ZNF536: variants seen among roughly 807,000 people sequenced by gnomAD.
The protein encoded by ZNF536 is zinc finger protein 536.
ZNF536 carries 13 observed loss-of-function variants against 84.5 expected under a neutral mutation model. That is an observed-to-expected ratio of 0.15 (90% CI 0.10 to 0.24). The LOEUF is 0.24. Ranked by LOEUF, ZNF536 falls within the 10% of genes least tolerant of loss-of-function variation. The probability of loss-of-function intolerance (pLI) is 1.00; values close to 1 mark genes in which losing one functional copy is unlikely to be tolerated. For synonymous variants in ZNF536, 811 were observed against 742.5 expected (o/e 1.09, Z -1.50); for missense variants, 1,536 against 1,747.5 (o/e 0.88, Z 2.16).
At chr19:30,571,501 C>T (rs1000540982) in intron 1 of ZNF536, among the ~76,000 whole-genome samples, 1 of 152,200 alleles carries the variant, frequency 6.6e-6, no homozygotes, top group Non-Finnish European at 1.5e-5. Flanking sequence ...AAAAGGCAAC[C>T]TGGGAAGCTT....
chr19:30,447,742 G>T (rs958589721), intron 2 of ZNF536, among the ~76,000 whole-genome samples: 2 of 152,342 alleles, frequency 1.3e-5, no homozygotes, highest in East Asian at 3.9e-4. Flanking sequence ...TCTGGCATGT[G>T]TCGTTTCTGA....
intron 2 of ZNF536, among the ~76,000 whole-genome samples, chr19:30,303,394 G>A (rs2046248660): frequency 6.6e-6 from 1 of 152,210 alleles, no homozygotes; most frequent in Admixed American, 6.5e-5. Flanking sequence ...AGGGGCCTTG[G>A]CGCTGCCTCC....
At chr19:30,386,710 G>T (rs2049357148) in intron 1 of ZNF536, among the ~76,000 whole-genome samples, 1 of 152,214 alleles carries the variant, frequency 6.6e-6, no homozygotes, top group Non-Finnish European at 1.5e-5. Flanking sequence ...TGGGTCTTTG[G>T]TCTACATTTG....
intron 1 of ZNF536, among the ~76,000 whole-genome samples, chr19:30,373,961 G>A (rs1162521948): frequency 1.3e-5 from 2 of 152,150 alleles, no homozygotes; most frequent in African/African-American, 4.8e-5. Context: ...CCTGTTTTCC[G>A]GGCCTGCAGT....
At chr19:30,334,899 A>G (rs2047331690) in intron 2 of ZNF536, among the ~76,000 whole-genome samples, 1 of 152,176 alleles carries the variant, frequency 6.6e-6, no homozygotes. Context: ...CGCAGTTCAC[A>G]AGGGGGTCTG....
chr19:30,287,608 G>T, intron 2 of ZNF536, among the ~76,000 whole-genome samples: 1 of 127,452 alleles, frequency 7.8e-6, no homozygotes, highest in African/African-American at 3.4e-5. Context: ...ATGGATGGGT[G>T]GATGGATGGG....
At chr19:30,321,087 T>G (rs1246757360) in intron 2 of ZNF536, among the ~76,000 whole-genome samples, 1 of 152,096 alleles carries the variant, frequency 6.6e-6, no homozygotes, top group East Asian at 1.9e-4. Context: ...CAGGGTCAGG[T>G]GTGGTTTCAG....
chr19:30,684,822 G>T (rs915452445), intron 1 of ZNF536, among the ~76,000 whole-genome samples: 1 of 152,178 alleles, frequency 6.6e-6, no homozygotes, highest in Non-Finnish European at 1.5e-5. Context: ...CAGCGGTCGG[G>T]ACCTGATCCC....
At chr19:30,386,744 C>T (rs2049357982) in intron 1 of ZNF536, among the ~76,000 whole-genome samples, 1 of 152,226 alleles carries the variant, frequency 6.6e-6, no homozygotes, top group Non-Finnish European at 1.5e-5. Flanking sequence ...CTGTAGGTCC[C>T]TAGGGCAGGG....
At chr19:30,701,395 CCAAA>C (rs998721598) in intron 1 of ZNF536, among the ~76,000 whole-genome samples, 8 of 128,800 alleles carry the variant, frequency 6.2e-5, no homozygotes, top group African/African-American at 2.4e-4. Context: ...ACAGACACAC[CCAAA>C]CACACACAGA....
Position 30,706,994 on chromosome 19 carries a change from A to G in ZNF536, c.170-3763A>G, listed in dbSNP as rs537282785. 3.9e-5 allele frequency among the ~76,000 whole-genome samples: 6 copies of G among 152,306 alleles called. No individual in the cohort carries two copies. The South Asian group carries it at 1.2e-3, about 32-fold the overall frequency. ...ACCTTCAATTGGCTTGTAGGCCTCC[A>G]GCTACAAATTGGGCCCGCCTTTTTC... is the stretch of plus-strand genomic sequence containing the variant. On this transcript the variant is annotated intron_variant, in intron 1 of 1. Transcript: ENST00000592773.
At chr19:30,651,324 T>G (rs1445080540) in intron 1 of ZNF536, among the ~76,000 whole-genome samples, 1 of 152,202 alleles carries the variant, frequency 6.6e-6, no homozygotes, top group Non-Finnish European at 1.5e-5. Flanking sequence ...CTGTGCCTCT[T>G]GGATGCTGAC....
At position 30,444,151 on chromosome 19, in the gene ZNF536, C is replaced by T. The variant is rs777458781; in HGVS notation, c.589C>T (p.Arg197Cys). The T allele has an allele frequency of 6.3e-7, 1 of 1,597,840 alleles. No homozygotes were observed. Among genetic ancestry groups the T allele is most frequent in the Non-Finnish European group, 8.5e-7 (1 of 1,173,248 alleles). The change falls in exon 2 of 5, where the codon CGC becomes TGC. Residue 197 changes from arginine to cysteine, a missense_variant. Transcript: ENST00000355537. ...KGRGRVREENRLLHELEERAI... is the reference protein window; with the variant it reads ...KGRGRVREENCLLHELEERAI... ...GCGTGGGCGTGTGCGCGAGGAGAAC[C>T]GCCTGCTGCACGAGCTGGAGGAGCG...
intron 2 of ZNF536, among the ~76,000 whole-genome samples, chr19:30,498,450 G>C: frequency 6.6e-6 from 1 of 152,100 alleles, no homozygotes; most frequent in Middle Eastern, 3.4e-3. Flanking sequence ...GAGTGGGGTG[G>C]GGGGACGGAG....
chr19:30,416,198 A>G (rs1158882117), intron 1 of ZNF536, among the ~76,000 whole-genome samples: 1 of 151,836 alleles, frequency 6.6e-6, no homozygotes, highest in Non-Finnish European at 1.5e-5. Context: ...CTCTATTTCC[A>G]ATCAGTCCTT....
intron 2 of ZNF536, among the ~76,000 whole-genome samples, chr19:30,456,981 G>A (rs1370990643): frequency 4.0e-5 from 6 of 150,448 alleles, no homozygotes; most frequent in Non-Finnish European, 7.4e-5. Context: ...GGCAGAGGTT[G>A]TGGTAAGCTG....
At chr19:30,682,400 G>A (rs748917841) in intron 1 of ZNF536, among the ~76,000 whole-genome samples, 1 of 152,260 alleles carries the variant, frequency 6.6e-6, no homozygotes, top group Admixed American at 6.5e-5. Context: ...CTGGTCGCGC[G>A]TGCACACAGC....
chr19:30,456,436 A>T (rs1265763397), intron 2 of ZNF536, among the ~76,000 whole-genome samples: 1 of 149,866 alleles, frequency 6.7e-6, no homozygotes, highest in Non-Finnish European at 1.5e-5. Flanking sequence ...CTCGCAGTAG[A>T]CTCTCTGGTC....
chr19:30,274,361 T>A (rs964825546), intron 1 of ZNF536, among the ~76,000 whole-genome samples: 1 of 152,256 alleles, frequency 6.6e-6, no homozygotes, highest in Admixed American at 6.5e-5. Flanking sequence ...ATTTTTGAAT[T>A]TTCTAATAGC....
Sources: allele counts gnomAD v4.1 joint callset (sites outside exome capture counted in the v4.1 genomes callset), GRCh38; gene constraint gnomAD v4.1.1; transcripts MANE v1.5; gene names NCBI Gene and HGNC (gene_info 2026-07-23, HGNC 2026-07-21).